SYT12: variants seen among roughly 807,000 people sequenced by gnomAD.
The protein encoded by SYT12 is synaptotagmin 12, also known as synaptotagmin-12.
In SYT12, 27 loss-of-function variants were observed where a neutral mutation model predicts 39.5. The ratio of observed to expected loss-of-function variants is 0.68; its 90% CI spans 0.50 to 0.94. The LOEUF is 0.94. Among genes scored for constraint, SYT12 ranks in the 40% least tolerant of loss-of-function variants. The pLI is 0.00. For missense variants in SYT12, 536 were observed against 572.6 expected, an observed-to-expected ratio of 0.94 and a Z score of 0.65; for synonymous variants, 233 against 239.7, an observed-to-expected ratio of 0.97 and a Z score of 0.26.
intron 2 of SYT12, chr11:67,030,979 T>C (rs1229598103): frequency 6.6e-6 from 1 of 152,166 alleles, no homozygotes; most frequent in Non-Finnish European, 1.5e-5. Context: ...CTCTAGCCCC[T>C]ACCCTAACGC....
chr11:67,036,201 A>G (rs578169390), intron 3 of SYT12, among the ~76,000 whole-genome samples: 2 of 152,004 alleles, frequency 1.3e-5, no homozygotes, highest in South Asian at 2.1e-4. Flanking sequence ...ACAGGCATGC[A>G]CTACCGTGCC....
At position 67,043,770 on chromosome 11, in the gene SYT12, G is replaced by A; in HGVS notation, c.754G>A (p.Gly252Arg). Residue 252 changes from glycine to arginine, a missense_variant, in exon 5 of 8, where the codon GGG becomes AGG. Physicochemically the swap from Gly to Arg is moderately radical, Grantham distance 125. Coordinates refer to ENST00000527043, the MANE Select transcript of SYT12 (RefSeq NM_177963.4). ...IDEDERNVSTGVVELKLSVLD... is the reference protein window; with the variant it reads ...IDEDERNVSTRVVELKLSVLD... ...TGAGGATGAGCGCAACGTCAGCACG[G>A]GGGTGGTGGAGCTGAAGCTTTCTGT... 6.2e-7 allele frequency: 1 copy of A among 1,614,024 alleles called. No homozygotes were observed. The highest frequency in any genetic ancestry group is 2.2e-5 in the East Asian group (1 of 44,904).
intron 3 of SYT12, among the ~76,000 whole-genome samples, chr11:67,017,974 T>G (rs1174501394): frequency 6.8e-6 from 1 of 147,448 alleles, no homozygotes; most frequent in Non-Finnish European, 1.5e-5. Context: ...GAAAAAAAAT[T>G]TTAAAGGCCG....
In SYT12 at chr11:67,046,172, C is replaced by T. The variant is rs541608436; in HGVS notation, c.1092+295C>T. 3.0e-3 allele frequency among the ~76,000 whole-genome samples: 454 copies of T among 152,248 alleles called. 2 individuals carry two copies. Among genetic ancestry groups the T allele is most frequent in the Non-Finnish European group, 5.3e-3 (360 of 68,012 alleles). The stretch of plus-strand genomic sequence containing the variant: ...GGGATACCCAGCTCTGAGGGAGGAC[C>T]ATTCCTGGTGGAGGGAACTGCAGAG... On this transcript the variant is annotated intron_variant, in intron 7 of 7. Transcript: ENST00000527043.
intron 1 of SYT12, chr11:67,029,103 G>GAGCCAGATTTACTTCTT (rs1305892970): frequency 6.6e-6 from 1 of 152,202 alleles, no homozygotes; most frequent in East Asian, 1.9e-4. Context: ...ACACATCTGT[G>GAGCCAGATTTACTTCTT]AGCCAGATTT....
At position 67,048,856 on chromosome 11, in the gene SYT12, A is replaced by G. The variant is rs1854661862; in HGVS notation, c.*99A>G. 7.2e-7 allele frequency: 1 copy of G among 1,388,538 alleles called. No homozygotes were observed. The highest frequency in any genetic ancestry group is 1.4e-5 in the South Asian group (1 of 73,320). 86.0% of individuals were successfully genotyped at this position (1,388,538 alleles called of 1,614,324 possible). On this transcript the variant is annotated 3_prime_UTR_variant, in exon 8 of 8. Coordinates refer to ENST00000527043, the MANE Select transcript of SYT12 (RefSeq NM_177963.4). ...CCATAGCCCAGCTGGAGCCGTGAAC[A>G]CTGGGGTCCCCTGGCAGAGTCCTCA... is the stretch of plus-strand genomic sequence containing the variant.
rs1950383044 is a variant in SYT12 at position 67,036,516 on chromosome 11, G to C, written c.228+1678G>C. On this transcript the variant is annotated intron_variant, in intron 3 of 7. Transcript: ENST00000527043. ...TTTAACACATGGCAGAGAGTTTTCC[G>C]AATGTCATGTAGAGTTCCAGAGAGC... 2.6e-5 allele frequency among the ~76,000 whole-genome samples: 4 copies of C among 152,150 alleles called. No homozygotes were observed. The South Asian group carries it at 6.2e-4, about 24-fold the overall frequency.
Position 67,034,702 on chromosome 11 carries a change from T to G in SYT12, c.92T>G (p.Leu31Arg). 1 of 1,603,174 alleles carries G rather than the reference T, an allele frequency of 6.2e-7. No individual in the cohort carries two copies. Among genetic ancestry groups the G allele is most frequent in the Non-Finnish European group, 8.5e-7 (1 of 1,175,878 alleles). The stretch of plus-strand genomic sequence containing the variant: ...GTCTATGCTGCAGGGGCCCTGGCCC[T>G]GCTGGGAATCGCAGCTGTGAGCCTG... ...VGVYAAGALALLGIAAVSLWK... is the reference protein window; with the variant it reads ...VGVYAAGALARLGIAAVSLWK... The change falls in exon 3 of 8, where the codon CTG (leucine) becomes CGG (arginine). Residue 31 changes from leucine to arginine, a missense_variant. Physicochemically the swap from Leu to Arg is moderately radical, Grantham distance 102 (BLOSUM62 -2). Coordinates refer to ENST00000527043, the MANE Select transcript of SYT12 (RefSeq NM_177963.4).
At chr11:67,034,579 C>G in intron 2 of SYT12, 66 bp from the exon 3 acceptor site, 3 of 1,459,270 alleles carry the variant, frequency 2.1e-6, no homozygotes, top group Non-Finnish European at 2.8e-6. Context: ...GAAGTCGGTG[C>G]TGCTCCCCGG....
chr11:67,037,873 C>G (rs1950412945), intron 3 of SYT12, among the ~76,000 whole-genome samples: 1 of 147,052 alleles, frequency 6.8e-6, no homozygotes, highest in South Asian at 2.2e-4. Context: ...CAGAGCGAGG[C>G]TCCCCCTCAG....
chr11:67,029,470 C>T (rs1290453425), intron 1 of SYT12: 1 of 152,162 alleles, frequency 6.6e-6, no homozygotes, highest in Non-Finnish European at 1.5e-5. Flanking sequence ...AACAGGACAC[C>T]CAGGAGCATT....
intron 2 of SYT12, among the ~76,000 whole-genome samples, chr11:67,033,063 C>T (rs1030216098): frequency 6.6e-6 from 1 of 152,168 alleles, no homozygotes; most frequent in Non-Finnish European, 1.5e-5. Context: ...GCTAGAGGGG[C>T]TGCCCCACTG....
At chr11:67,033,352 C>A (rs926989210) in intron 2 of SYT12, among the ~76,000 whole-genome samples, 3 of 152,176 alleles carry the variant, frequency 2.0e-5, no homozygotes, top group African/African-American at 7.2e-5. Context: ...CCTGCCCCAC[C>A]CCACCCCCTA....
intron 3 of SYT12, among the ~76,000 whole-genome samples, chr11:67,036,623 G>A (rs1290964622): frequency 2.0e-5 from 3 of 152,098 alleles, no homozygotes; most frequent in Non-Finnish European, 4.4e-5. Flanking sequence ...ACACGCTGTT[G>A]GGGGAATGTA....
intron 1 of SYT12, among the ~76,000 whole-genome samples, chr11:67,024,552 C>G (rs1950156131): frequency 6.6e-6 from 1 of 152,200 alleles, no homozygotes; most frequent in Non-Finnish European, 1.5e-5. Context: ...CACTGCACCT[C>G]AGTTTCCTCT....
Position 67,030,170 on chromosome 11 carries a change from A to G in SYT12, c.26A>G (p.His9Arg), listed in dbSNP as rs551337288. Reference protein sequence around the residue: MAVDVAEYHLSVIKSPPGW... With the variant: MAVDVAEYRLSVIKSPPGW... ...ATGGCTGTGGATGTGGCAGAATACC[A>G]TCTGAGCGGTGAGTGCCCAGGGCAA... Residue 9 changes from histidine to arginine, a missense_variant, in exon 2 of 8, where the codon CAT becomes CGT. By Grantham distance (29) the His-to-Arg change is conservative. Coordinates refer to ENST00000527043, the MANE Select transcript of SYT12 (RefSeq NM_177963.4). 1.7e-4 allele frequency: 279 copies of G among 1,614,022 alleles called. No individual in the cohort carries two copies. The South Asian group carries it at 2.9e-3, about 17-fold the overall frequency.
At chr11:67,009,242 G>A (rs896145469) in intron 1 of SYT12, among the ~76,000 whole-genome samples, 1 of 152,132 alleles carries the variant, frequency 6.6e-6, no homozygotes, top group Non-Finnish European at 1.5e-5. Context: ...CTGCGCTTAA[G>A]TGATCCCCAT....
At chr11:67,034,558 C>G in intron 2 of SYT12, 87 bp from the exon 3 acceptor site, 1 of 1,180,614 alleles carries the variant, frequency 8.5e-7, no homozygotes, top group Non-Finnish European at 1.2e-6. Flanking sequence ...AATAAATATC[C>G]ATTCAATGTA....
chr11:67,043,037 C>A (rs751003339), intron 4 of SYT12, among the ~76,000 whole-genome samples: 1 of 152,290 alleles, frequency 6.6e-6, no homozygotes, highest in African/African-American at 2.4e-5. Context: ...GTGACTAAAG[C>A]ATCCCCCTTA....
Sources: gnomAD v4.1 joint callset for allele counts (sites outside exome capture counted in the v4.1 genomes callset) on GRCh38, gnomAD v4.1.1 for gene constraint, MANE v1.5 for transcripts, NCBI Gene and HGNC (gene_info 2026-07-23, HGNC 2026-07-21) for gene names.